The following MAGI2 variants were observed in gnomAD, a reference collection of about 807,000 sequenced individuals.
MAGI2 encodes the protein membrane-associated guanylate kinase, WW and PDZ domain-containing protein 2.
A neutral mutation model predicts 133.3 loss-of-function variants in MAGI2; 35 were observed. That is an observed-to-expected ratio of 0.26 (90% CI 0.20 to 0.35). The LOEUF (loss-of-function observed/expected upper bound fraction) is 0.35. MAGI2 is among the 10% of genes least tolerant of loss of function. The probability of loss-of-function intolerance (pLI) is 1.00; values close to 1 mark genes in which losing one functional copy is unlikely to be tolerated. For missense variants in MAGI2, 1,636 were observed against 1,863.4 expected, an observed-to-expected ratio of 0.88 and a Z score of 2.25; for synonymous variants, 729 against 710.6, an observed-to-expected ratio of 1.03 and a Z score of -0.41.
intron 3 of MAGI2, among the ~76,000 whole-genome samples, chr7:78,620,368 C>A (rs1171211330): frequency 6.6e-6 from 1 of 151,890 alleles, no homozygotes; most frequent in African/African-American, 2.4e-5. Context: ...CTGATTTTAG[C>A]TAGTAAAATG....
intron 1 of MAGI2, among the ~76,000 whole-genome samples, chr7:79,082,174 C>G (rs934806783): frequency 6.6e-6 from 1 of 152,022 alleles, no homozygotes; most frequent in Admixed American, 6.6e-5. Flanking sequence ...TGAGTTCCCT[C>G]TTTACCTTCT....
intron 1 of MAGI2, among the ~76,000 whole-genome samples, chr7:79,214,407 C>CTCTCTCTCTATATA (rs1554406633): frequency 5.6e-5 from 1 of 17,718 alleles, no homozygotes; most frequent in African/African-American, 2.3e-4. Flanking sequence ...CTCTCTCTCT[C>CTCTCTCTCTATATA]TATATATATA....
At chr7:78,457,947 G>T (rs1041323419) in intron 6 of MAGI2, among the ~76,000 whole-genome samples, 35 of 152,088 alleles carry the variant, frequency 2.3e-4, no homozygotes, top group Non-Finnish European at 4.4e-4. Flanking sequence ...ACAAACTTAA[G>T]AAATTATTTT....
At chr7:78,797,854 A>C (rs1359945829) in intron 2 of MAGI2, among the ~76,000 whole-genome samples, 2 of 152,132 alleles carry the variant, frequency 1.3e-5, no homozygotes, top group African/African-American at 4.8e-5. Flanking sequence ...GCCCAAAGGG[A>C]AAGAGTGCCC....
intron 3 of MAGI2, chr7:78,618,636 T>C (rs1807366444): frequency 6.6e-6 from 1 of 151,816 alleles, no homozygotes; most frequent in African/African-American, 2.4e-5. Flanking sequence ...TGTCAATCAT[T>C]AGATAATGGA....
intron 2 of MAGI2, among the ~76,000 whole-genome samples, chr7:78,977,923 C>T (rs528947680): frequency 5.3e-5 from 8 of 151,784 alleles, no homozygotes; most frequent in East Asian, 3.9e-4. Flanking sequence ...ACAGTAAAGA[C>T]GTTCAACATC....
intron 2 of MAGI2, among the ~76,000 whole-genome samples, chr7:78,775,436 T>C (rs1825921708): frequency 1.4e-5 from 2 of 147,588 alleles, no homozygotes; most frequent in East Asian, 4.2e-4. Flanking sequence ...GAGAGTTCTA[T>C]ACATACCCAA....
At chr7:78,100,570 T>A (rs1329464076) in intron 20 of MAGI2, among the ~76,000 whole-genome samples, 1 of 151,732 alleles carries the variant, frequency 6.6e-6, no homozygotes, top group Admixed American at 6.6e-5. Flanking sequence ...CAGGCTGGTC[T>A]CAAACTCCTG....
At chr7:78,930,276 A>G (rs1403048772) in intron 2 of MAGI2, among the ~76,000 whole-genome samples, 1 of 152,164 alleles carries the variant, frequency 6.6e-6, no homozygotes, top group Non-Finnish European at 1.5e-5. Context: ...GGGTTAAGAT[A>G]TCAAACAATT....
chr7:78,455,685 T>C (rs1789235815), intron 6 of MAGI2, among the ~76,000 whole-genome samples: 1 of 152,192 alleles, frequency 6.6e-6, no homozygotes, highest in African/African-American at 2.4e-5. Context: ...CCTGCCATAA[T>C]ATAGTCGCTA....
chr7:78,069,690 A>G (rs962617990), intron 21 of MAGI2, among the ~76,000 whole-genome samples: 1 of 152,008 alleles, frequency 6.6e-6, no homozygotes, highest in African/African-American at 2.4e-5. Context: ...TCACCCCACA[A>G]TCCCCGGTTG....
At chr7:78,034,064 T>G (rs1288177222) in intron 21 of MAGI2, among the ~76,000 whole-genome samples, 4 of 152,196 alleles carry the variant, frequency 2.6e-5, no homozygotes, top group Non-Finnish European at 4.4e-5. Context: ...TTCTATATTA[T>G]TTGTATTGAC....
At chr7:78,237,648 T>C (rs1790690285) in intron 10 of MAGI2, among the ~76,000 whole-genome samples, 2 of 152,178 alleles carry the variant, frequency 1.3e-5, no homozygotes, top group African/African-American at 4.8e-5. Context: ...ATTAGTTCTT[T>C]TTATTTTTTT....
At chr7:79,137,672 C>T (rs112299481) in intron 1 of MAGI2, among the ~76,000 whole-genome samples, 7,228 of 151,810 alleles carry the variant, frequency 0.048, 567 homozygotes, top group African/African-American at 0.17. Flanking sequence ...AGGCTGGTCT[C>T]GAACTCCTGA....
chr7:79,005,789 C>T (rs866865991), intron 2 of MAGI2, among the ~76,000 whole-genome samples: 1 of 152,186 alleles, frequency 6.6e-6, no homozygotes, highest in Non-Finnish European at 1.5e-5. Flanking sequence ...ATCCATCTTC[C>T]TTTGTCCATC....
intron 8 of MAGI2, 78 bp from the exon 9 acceptor site, chr7:78,344,038 G>C: frequency 2.2e-6 from 3 of 1,344,510 alleles, no homozygotes; most frequent in Non-Finnish European, 3.1e-6. Flanking sequence ...GCCAGCCCCT[G>C]AGCAGCGACA....
intron 1 of MAGI2, among the ~76,000 whole-genome samples, chr7:79,023,636 G>A (rs1809561292): frequency 6.6e-6 from 1 of 152,094 alleles, no homozygotes; most frequent in Non-Finnish European, 1.5e-5. Flanking sequence ...TTTCAGCAAA[G>A]CTTCAGGATA....
intron 3 of MAGI2, among the ~76,000 whole-genome samples, chr7:78,609,382 GA>G (rs1199908067): frequency 6.6e-6 from 1 of 151,930 alleles, no homozygotes; most frequent in Non-Finnish European, 1.5e-5. Flanking sequence ...CATACAACAG[GA>G]AACACACCAA....
chr7:78,654,728 TATATATATATATATATATATAG>T (rs1263148898), intron 2 of MAGI2, among the ~76,000 whole-genome samples: 4 of 124,542 alleles, frequency 3.2e-5, no homozygotes, highest in Non-Finnish European at 5.4e-5. Context: ...TATATATATA[TATATATATATATATATATATAG>T]CATATATTTT....
Sources: allele counts gnomAD v4.1 joint callset (sites outside exome capture counted in the v4.1 genomes callset), GRCh38; gene constraint gnomAD v4.1.1; transcripts MANE v1.5; gene names NCBI Gene and HGNC (gene_info 2026-07-23, HGNC 2026-07-21).